The following MCCC1 variants were observed in gnomAD, a reference collection of about 807,000 sequenced individuals.
MCCC1 encodes methylcrotonoyl-CoA carboxylase subunit alpha, mitochondrial.
MCCC1 carries 64 observed loss-of-function variants against 83.8 expected under a neutral mutation model. That is an observed-to-expected ratio of 0.76 (90% confidence interval 0.62 to 0.94). The LOEUF (loss-of-function observed/expected upper bound fraction) is 0.94, where lower values mean the gene tolerates loss of function less well. MCCC1 is among the 40% of genes least tolerant of loss of function. The pLI is 0.00. For missense variants in MCCC1, 807 were observed against 904.7 expected (o/e 0.89, Z 1.39); for synonymous variants, 322 against 315.4 (o/e 1.02, Z -0.22).
intron 1 of MCCC1, among the ~76,000 whole-genome samples, chr3:183,108,162 G>T (rs1333095973): frequency 6.6e-6 from 1 of 152,194 alleles, no homozygotes; most frequent in Non-Finnish European, 1.5e-5. Flanking sequence ...AGCATTTTCA[G>T]GGAAATCAGG....
At chr3:183,037,765 T>C (rs1442410267) in intron 12 of MCCC1, among the ~76,000 whole-genome samples, 2 of 152,186 alleles carry the variant, frequency 1.3e-5, no homozygotes, top group Non-Finnish European at 2.9e-5. Context: ...GAAACATAAA[T>C]GAAATTCATT....
chr3:183,059,632 C>A (rs979526915), intron 7 of MCCC1, among the ~76,000 whole-genome samples: 4 of 152,124 alleles, frequency 2.6e-5, no homozygotes, highest in African/African-American at 7.2e-5. Context: ...AGTTTCTGAC[C>A]TAAAACATTT....
At chr3:183,092,175 T>A (rs918057168) in intron 3 of MCCC1, among the ~76,000 whole-genome samples, 1 of 152,196 alleles carries the variant, frequency 6.6e-6, no homozygotes, top group Non-Finnish European at 1.5e-5. Flanking sequence ...TTTTAACCAA[T>A]CCTCAAGGAG....
Position 183,064,476 on chromosome 3 carries a change from A to G in MCCC1, c.761+6523T>C, listed in dbSNP as rs1224849028. On this transcript the variant is annotated intron_variant, in intron 7 of 18. Coordinates refer to ENST00000265594, the MANE Select transcript of MCCC1 (RefSeq NM_020166.5). The surrounding 1 kb of genome is among the most constrained non-coding windows in gnomAD (Gnocchi z 4.5). ...TGGTGGGCACCCAGGAAGCTCCGTA[A>G]AGGCTTCTGGGACGGGCAGAAGCCC... Among the ~76,000 whole-genome samples the G allele has an allele frequency of 6.6e-6, 1 of 152,244 alleles. No individual in the cohort carries two copies. The highest frequency in any genetic ancestry group is 2.1e-4 in the South Asian group (1 of 4,828).
Position 183,092,535 on chromosome 3 carries a change from A to T in MCCC1, c.147T>A (p.Ile49=). Residue 49 remains isoleucine, a synonymous_variant, in exon 3 of 19, where the codon ATT becomes ATA. Coordinates refer to ENST00000265594, the MANE Select transcript of MCCC1 (RefSeq NM_020166.5). ...CTCTGTTTGCAATGAGGACCTTGGT[A>T]ATGTTTCTTCCTGTTTAAAACACCA... ...MKYTTATGRN[I]TKVLIANRGE... The T allele has an allele frequency of 1.9e-6, 3 of 1,614,152 alleles. No individual in the cohort carries two copies. Among genetic ancestry groups the T allele is most frequent in the Non-Finnish European group, 2.5e-6 (3 of 1,180,016 alleles).
upstream of MCCC1, chr3:183,116,174 C>A (rs1164116608): frequency 1.8e-5 from 3 of 171,274 alleles, 1 homozygote; most frequent in Non-Finnish European, 3.8e-5. Context: ...GCTGCACCTG[C>A]GGCTCTCCTG....
chr3:183,098,074 C>CAA (rs746017293), intron 1 of MCCC1, among the ~76,000 whole-genome samples: 14 of 152,180 alleles, frequency 9.2e-5, no homozygotes, highest in Non-Finnish European at 1.6e-4. Context: ...ACTATAGGCG[C>CAA]GTGTCACCAC....
chr3:183,089,545 T>C (rs1341984484), intron 3 of MCCC1, among the ~76,000 whole-genome samples: 2 of 151,936 alleles, frequency 1.3e-5, no homozygotes, highest in Non-Finnish European at 2.9e-5. Context: ...GCCTGGGGGG[T>C]TGAGGCTGCA....
At chr3:183,020,065 A>G in intron 17 of MCCC1, 65 bp downstream of exon 17, 1 of 1,215,826 alleles carries the variant, frequency 8.2e-7, no homozygotes, top group African/African-American at 1.5e-5. Flanking sequence ...GACATAAATG[A>G]CAAGTTTAAC....
intron 4 of MCCC1, among the ~76,000 whole-genome samples, chr3:183,085,382 T>C (rs1717817820): frequency 6.6e-6 from 1 of 152,018 alleles, no homozygotes; most frequent in East Asian, 1.9e-4. Flanking sequence ...TATAATGTTC[T>C]CACTTTGGGA....
At position 183,017,199 on chromosome 3, in the gene MCCC1, G is replaced by C. The variant is rs1229014128; in HGVS notation, c.2049+67C>G. ...AGGTGGTATTAACTTACAAAATAAG[G>C]CAAAAGAACCATTAGGTATGATTGC... On this transcript the variant is annotated intron_variant, in intron 18 of 18. Coordinates refer to ENST00000265594, the MANE Select transcript of MCCC1 (RefSeq NM_020166.5). The C allele has an allele frequency of 2.4e-5, 33 of 1,383,402 alleles. No individual in the cohort carries two copies. The East Asian group carries it at 7.5e-4, about 32-fold the overall frequency. The allele number at this position is 1,383,402 out of a possible 1,614,324, so 85.7% of individuals were successfully genotyped here.
chr3:183,022,308 G>T, intron 16 of MCCC1, 109 bp downstream of exon 16: 1 of 1,311,832 alleles, frequency 7.6e-7, no homozygotes, highest in Non-Finnish European at 1.1e-6. Context: ...AAAGGTCACA[G>T]CAGTGGTCAC....
chr3:183,083,396 C>T (rs1196827625), intron 4 of MCCC1, among the ~76,000 whole-genome samples: 1 of 152,204 alleles, frequency 6.6e-6, no homozygotes, highest in Non-Finnish European at 1.5e-5. Context: ...TGTTCATTCA[C>T]TCATGTTACT....
chr3:183,020,722 T>C (rs1399454639), intron 16 of MCCC1, among the ~76,000 whole-genome samples: 1 of 152,080 alleles, frequency 6.6e-6, no homozygotes, highest in East Asian at 1.9e-4. Context: ...TCAGCCTTGG[T>C]TTCCCATTGT....
intron 4 of MCCC1, among the ~76,000 whole-genome samples, chr3:183,081,625 G>T (rs1440449916): frequency 2.6e-5 from 4 of 152,192 alleles, no homozygotes; most frequent in Admixed American, 1.3e-4. Flanking sequence ...CAAGGAATAG[G>T]CTGAGGTGGA....
chr3:183,037,114 T>C lies in MCCC1; in HGVS notation c.1594+104A>G, dbSNP rs1713675304. On this transcript the variant is annotated intron_variant, in intron 13 of 18. Transcript: ENST00000265594. ...ATCTGAAAAGAATGGTGTCAGTCAC[T>C]GAGAGGAGAAAAGAGAGGTCAGTGT... 2.8e-6 allele frequency: 3 copies of C among 1,085,490 alleles called. No individual in the cohort carries two copies. The Admixed American group carries it at 5.5e-5, about 20-fold the overall frequency. 67.2% of individuals were successfully genotyped at this position (1,085,490 alleles called of 1,614,324 possible).
At chr3:183,083,523 T>C (rs1170931028) in intron 4 of MCCC1, among the ~76,000 whole-genome samples, 1 of 152,014 alleles carries the variant, frequency 6.6e-6, no homozygotes, top group Admixed American at 6.5e-5. Flanking sequence ...TTAAAAATAC[T>C]GTCTGAAAGT....
At chr3:183,040,482 G>A (rs940159509) in intron 11 of MCCC1, among the ~76,000 whole-genome samples, 7 of 150,400 alleles carry the variant, frequency 4.7e-5, no homozygotes, top group Admixed American at 6.7e-5. Context: ...AGGCCAAGGT[G>A]GGCAGATCAC....
intron 1 of MCCC1, among the ~76,000 whole-genome samples, chr3:183,106,758 A>G (rs1425435441): frequency 6.6e-6 from 1 of 151,982 alleles, no homozygotes; most frequent in African/African-American, 2.4e-5. Flanking sequence ...TAGCCTCCCA[A>G]AGTGCTGGGA....
Sources: gnomAD v4.1 joint callset for allele counts (sites outside exome capture counted in the v4.1 genomes callset) on GRCh38, gnomAD v4.1.1 for gene constraint, Gnocchi (gnomAD v3.1) non-coding constraint, MANE v1.5 for transcripts, NCBI Gene and HGNC (gene_info 2026-07-23, HGNC 2026-07-21) for gene names.